GLT1D1: variants seen among roughly 807,000 people sequenced by gnomAD.
The protein encoded by GLT1D1 is glycosyltransferase 1 domain-containing protein 1.
GLT1D1 carries 21 observed loss-of-function variants against 28.7 expected under a neutral mutation model. That is an observed-to-expected ratio of 0.73 (90% CI 0.52 to 1.05). The LOEUF (loss-of-function observed/expected upper bound fraction) is 1.05. GLT1D1 is among the 50% of genes least tolerant of loss of function. The pLI is 0.00. For synonymous variants in GLT1D1, 147 were observed against 124.8 expected, an observed-to-expected ratio of 1.18 and a Z score of -1.19; for missense variants, 343 against 330.6, an observed-to-expected ratio of 1.04 and a Z score of -0.29.
intron 7 of GLT1D1, among the ~76,000 whole-genome samples, chr12:128,973,441 C>T (rs963867640): frequency 1.4e-4 from 21 of 151,370 alleles, no homozygotes; most frequent in African/African-American, 4.9e-4. Context: ...GATCCACCCA[C>T]CTCGGCCTCC....
At chr12:128,979,337 G>T (rs1331459839) in intron 7 of GLT1D1, among the ~76,000 whole-genome samples, 2 of 152,074 alleles carry the variant, frequency 1.3e-5, no homozygotes, top group Non-Finnish European at 2.9e-5. Flanking sequence ...GGGGCCTCAT[G>T]TCCCACCAGT....
chr12:128,906,150 T>G (rs554429456), intron 4 of GLT1D1, among the ~76,000 whole-genome samples: 1 of 152,312 alleles, frequency 6.6e-6, no homozygotes, highest in East Asian at 1.9e-4. Context: ...GTTTCTGATA[T>G]TATAATATTG....
Position 128,888,714 on chromosome 12 carries a change from C to T in GLT1D1, c.293C>T (p.Thr98Ile), listed in dbSNP as rs1328577996. Residue 98 changes from threonine (T) to isoleucine (I), a missense_variant, in exon 3 of 8, where the codon ACA (threonine) becomes ATA (isoleucine). Coordinates refer to ENST00000281703, the MANE Select transcript of GLT1D1 (RefSeq NM_144669.3). ...GATGCCAACCAGGCGGAAAAAAACA[C>T]AGTCATGGGCAGAGTTCTTGAGGAA... 4 of 1,612,362 alleles carry T rather than the reference C, an allele frequency of 2.5e-6. No homozygotes were observed. Among genetic ancestry groups the T allele is most frequent in the Non-Finnish European group, 3.4e-6 (4 of 1,178,604 alleles).
intron 2 of GLT1D1, among the ~76,000 whole-genome samples, chr12:128,878,410 T>C (rs1440788038): frequency 6.6e-6 from 1 of 152,178 alleles, no homozygotes. Flanking sequence ...TTAATTTTTC[T>C]ATTTCACCTT....
chr12:128,982,399 C>T (rs1392666278), intron 7 of GLT1D1, among the ~76,000 whole-genome samples: 1 of 152,196 alleles, frequency 6.6e-6, no homozygotes, highest in Non-Finnish European at 1.5e-5. Flanking sequence ...CTAGTGCTTT[C>T]CACTAAAGCA....
intron 2 of GLT1D1, among the ~76,000 whole-genome samples, chr12:128,880,417 T>A (rs1957005575): frequency 6.6e-6 from 1 of 152,228 alleles, no homozygotes. Context: ...TACTTGTTCA[T>A]TCCTAGTTGT....
chr12:128,908,621 G>A (rs1252736087), intron 4 of GLT1D1, among the ~76,000 whole-genome samples: 4 of 150,032 alleles, frequency 2.7e-5, no homozygotes, highest in African/African-American at 7.3e-5. Context: ...GGTGGCTGGC[G>A]TTTCTGTGGG....
At chr12:128,908,934 G>A (rs545169966) in intron 4 of GLT1D1, among the ~76,000 whole-genome samples, 15 of 152,114 alleles carry the variant, frequency 9.9e-5, no homozygotes, top group South Asian at 6.2e-4. Context: ...GGGCGACAGA[G>A]CGAGACTCCG....
At chr12:128,948,386 C>T (rs1876346897) in intron 6 of GLT1D1, among the ~76,000 whole-genome samples, 1 of 152,200 alleles carries the variant, frequency 6.6e-6, no homozygotes. Context: ...GGCTCACTCA[C>T]ACCAACGCCA....
rs1566091252 is a variant in GLT1D1 at position 128,874,114 on chromosome 12, CTCTCTCTCTCTCTTTCTTTCTTTCTT to C, written c.69-1796_69-1771del. 3.3e-3 allele frequency among the ~76,000 whole-genome samples: 207 copies of C among 62,826 alleles called. 3 individuals are homozygous for C. Among genetic ancestry groups the C allele is most frequent in the African/African-American group, 0.012 (172 of 14,472 alleles). 41.2% of individuals were successfully genotyped at this position (62,826 alleles called of 152,430 possible). ...TTTCTTTCTTTCTCTCTCTCTCTCT[CTCTCTCTCTCTCTTTCTTTCTTTCTT>C]TCTTTCTTTCTTTCTTTCTTTCTTT... is the stretch of plus-strand genomic sequence containing the variant. On this transcript the variant is annotated intron_variant, in intron 1 of 7. Coordinates refer to ENST00000281703, the MANE Select transcript of GLT1D1 (RefSeq NM_144669.3).
chr12:128,979,710 A>G (rs1315834823), intron 7 of GLT1D1, among the ~76,000 whole-genome samples: 2 of 151,928 alleles, frequency 1.3e-5, no homozygotes, highest in Non-Finnish European at 2.9e-5. Flanking sequence ...CTGTGGTTGC[A>G]CCACTCTACT....
intron 1 of GLT1D1, among the ~76,000 whole-genome samples, chr12:128,867,915 A>G (rs1045609888): frequency 6.6e-6 from 1 of 152,204 alleles, no homozygotes; most frequent in African/African-American, 2.4e-5. Flanking sequence ...TGAGGGGATG[A>G]GAGACTGCGA....
rs551165391 is a variant in GLT1D1 at position 128,948,393 on chromosome 12, G to A, written c.540+935G>A. 3.3e-5 allele frequency among the ~76,000 whole-genome samples: 5 copies of A among 152,252 alleles called. 1 individual carries two copies. In the East Asian group the frequency reaches 7.7e-4, roughly 24 times the overall value. On this transcript the variant is annotated intron_variant, in intron 6 of 7. Transcript: ENST00000281703. ...GCAGGCTGGGCTCACTCACACCAAC[G>A]CCAGCCTTTAGCACTGGGTTTTCCT...
At chr12:128,892,486 A>G (rs1010667747) in intron 3 of GLT1D1, among the ~76,000 whole-genome samples, 7 of 152,238 alleles carry the variant, frequency 4.6e-5, no homozygotes, top group Non-Finnish European at 8.8e-5. Flanking sequence ...TCTGTTTACT[A>G]GAAACAACAT....
chr12:128,888,031 C>T (rs955437688), intron 2 of GLT1D1, among the ~76,000 whole-genome samples: 1 of 152,186 alleles, frequency 6.6e-6, no homozygotes, highest in Non-Finnish European at 1.5e-5. Context: ...TGCCTCCCAT[C>T]CGCACAGGAC....
In GLT1D1 at chr12:128,911,867, C is replaced by T. The variant is rs983864211; in HGVS notation, c.375+12580C>T. On this transcript the variant is annotated intron_variant, in intron 4 of 7. Transcript: ENST00000281703. Reference sequence around the variant, plus strand: ...GGTGCCAGGGAGGTAACTTACCAGACGCTTTCCACCCGGCTGTCCTCCCTT... The same window carrying T: ...GGTGCCAGGGAGGTAACTTACCAGATGCTTTCCACCCGGCTGTCCTCCCTT... 6.6e-5 allele frequency among the ~76,000 whole-genome samples: 10 copies of T among 152,140 alleles called. No homozygotes were observed. The South Asian group carries it at 8.3e-4, about 13-fold the overall frequency.
intron 4 of GLT1D1, among the ~76,000 whole-genome samples, chr12:128,925,292 T>C (rs1873095206): frequency 6.6e-6 from 1 of 152,210 alleles, no homozygotes; most frequent in South Asian, 2.1e-4. Flanking sequence ...ACTTAGGTGT[T>C]AAGCCCAAGC....
At chr12:128,953,845 A>G (rs1318449303) in intron 6 of GLT1D1, among the ~76,000 whole-genome samples, 2 of 150,256 alleles carry the variant, frequency 1.3e-5, no homozygotes, top group African/African-American at 4.9e-5. Context: ...TCCCGGGATC[A>G]AGCGATTCTC....
intron 4 of GLT1D1, among the ~76,000 whole-genome samples, chr12:128,926,875 A>G (rs1031922935): frequency 1.3e-5 from 2 of 152,210 alleles, no homozygotes; most frequent in African/African-American, 2.4e-5. Flanking sequence ...TATCCAGTAA[A>G]TTAGAAATCT....
Sources: gnomAD v4.1 joint callset for allele counts (sites outside exome capture counted in the v4.1 genomes callset) on GRCh38, gnomAD v4.1.1 for gene constraint, MANE v1.5 for transcripts, NCBI Gene and HGNC (gene_info 2026-07-23, HGNC 2026-07-21) for gene names.